The following ZNF835 variants were observed in gnomAD, a reference collection of about 807,000 sequenced individuals.
ZNF835 encodes zinc finger protein 835.
For synonymous variants in ZNF835, 323 were observed against 324.7 expected (o/e 0.99, Z 0.06); for missense variants, 783 against 758.4 (o/e 1.03, Z -0.38).
intron 1 of ZNF835, among the ~76,000 whole-genome samples, chr19:56,667,974 CTTTT>C (rs767163861): frequency 5.3e-5 from 8 of 152,074 alleles, no homozygotes; most frequent in African/African-American, 1.4e-4. Flanking sequence ...TTCTTTCTTT[CTTTT>C]TTTGTTTTTT....
chr19:56,664,761 G>A lies in ZNF835; in HGVS notation c.438C>T (p.Ala146=), dbSNP rs1568524336. The A allele has an allele frequency of 6.2e-7, 1 of 1,614,138 alleles. No individual in the cohort carries two copies. Among genetic ancestry groups the A allele is most frequent in the Non-Finnish European group, 8.5e-7 (1 of 1,179,992 alleles). Residue 146 remains alanine, a synonymous_variant, in exon 2 of 2, where the codon GCC becomes GCT. Transcript: ENST00000537055. ...GGGTCAGGTGCACGCTCTGGCTGAA[G>A]GCCTTGCCGCACTCGGGGCACGCAA... The part of the protein sequence containing the change: ...KPFACPECGK[A]FSQSVHLTLH...
chr19:56,671,507 A>G (rs1392142254), intron 1 of ZNF835, 69 bp downstream of exon 1: 1 of 152,532 alleles, frequency 6.6e-6, no homozygotes, highest in African/African-American at 2.4e-5. Context: ...ACAGGTGCAG[A>G]CACAATGGCA....
rs915967063 is a variant in ZNF835 at position 56,663,736 on chromosome 19, G to A, written c.1463C>T (p.Ala488Val). ...GCGKAFSFSS[A>V]LIRHQRTHAD... ...ATGCGTCCTCTGGTGTCGGATGAGC[G>A]CGGAGGAGAAGCTGAAGGCCTTCCC... Residue 488 changes from alanine to valine, a missense_variant, in exon 2 of 2, where the codon GCG becomes GTG. Transcript: ENST00000537055. The A allele has an allele frequency of 5.6e-6, 9 of 1,613,866 alleles. No individual in the cohort carries two copies. Among genetic ancestry groups the A allele is most frequent in the Non-Finnish European group, 7.6e-6 (9 of 1,179,928 alleles).
intron 1 of ZNF835, among the ~76,000 whole-genome samples, chr19:56,670,518 G>C (rs979228966): frequency 6.6e-6 from 1 of 151,868 alleles, no homozygotes; most frequent in Non-Finnish European, 1.5e-5. Context: ...ACAGGGTCCC[G>C]GGCACACGTA....
intron 1 of ZNF835, among the ~76,000 whole-genome samples, chr19:56,666,340 C>G (rs1276050683): frequency 6.6e-6 from 1 of 152,232 alleles, no homozygotes; most frequent in Non-Finnish European, 1.5e-5. Context: ...CTCCTGACCT[C>G]AGGTGACCCA....
At chr19:56,670,606 C>T (rs2045280803) in intron 1 of ZNF835, among the ~76,000 whole-genome samples, 1 of 152,184 alleles carries the variant, frequency 6.6e-6, no homozygotes, top group Non-Finnish European at 1.5e-5. Flanking sequence ...ACACATGCCA[C>T]CTGCTCCACA....
At chr19:56,670,116 T>C (rs538090586) in intron 1 of ZNF835, among the ~76,000 whole-genome samples, 4 of 146,530 alleles carry the variant, frequency 2.7e-5, no homozygotes, top group African/African-American at 7.7e-5. Flanking sequence ...TCAGGAGTCC[T>C]CCATTAGCAT....
Position 56,664,088 on chromosome 19 carries a change from AG to A in ZNF835, c.1110del (p.Phe371SerfsTer36). ...RPYPCHDCGK[R>X]FSNRSHLLQH... The stretch of plus-strand genomic sequence containing the variant: ...TGGAGGAGGTGGGAGCGGTTGCTGA[AG>A]CGCTTGCCGCAGTCGTGGCAGGGGT... On this transcript the variant is annotated frameshift_variant, in exon 2 of 2. Transcript: ENST00000537055. LOFTEE classifies it low-confidence loss of function (END_TRUNC). The A allele has an allele frequency of 1.3e-6, 2 of 1,599,760 alleles. No homozygotes were observed. Among genetic ancestry groups the A allele is most frequent in the Non-Finnish European group, 1.7e-6 (2 of 1,170,434 alleles).
chr19:56,664,663 G>A lies in ZNF835; in HGVS notation c.536C>T (p.Ser179Leu). Reference sequence around the variant, plus strand: ...CGTGCGCCAGTGGGACGCCAGGTACGAGCCCTGGCTGAAGGCCTTGCCGCA... The same window carrying A: ...CGTGCGCCAGTGGGACGCCAGGTACAAGCCCTGGCTGAAGGCCTTGCCGCA... ...HECGKAFSQG[S>L]YLASHWRTHT... The change falls in exon 2 of 2, where the codon TCG becomes TTG. Residue 179 changes from serine to leucine, a missense_variant. Coordinates refer to ENST00000537055, the MANE Select transcript of ZNF835 (RefSeq NM_001005850.3). 5 of 1,611,464 alleles carry A rather than the reference G, an allele frequency of 3.1e-6. No individual in the cohort carries two copies. Among genetic ancestry groups the A allele is most frequent in the African/African-American group, 1.3e-5 (1 of 74,930 alleles).
rs1229111794 is a variant in ZNF835, at chr19:56,664,125, TCCGGTGTG to T, written c.1066_1073del (p.His356ArgfsTer29). The T allele has an allele frequency of 1.7e-5, 27 of 1,599,728 alleles. No individual in the cohort carries two copies. Among genetic ancestry groups the T allele is most frequent in the Non-Finnish European group, 2.3e-5 (27 of 1,172,744 alleles). On this transcript the variant is annotated frameshift_variant, in exon 2 of 2. Coordinates refer to ENST00000537055, the MANE Select transcript of ZNF835 (RefSeq NM_001005850.3). LOFTEE classifies it low-confidence loss of function (END_TRUNC). ...AGTCGTGGCAGGGGTAAGGCCGCTC[TCCGGTGTG>T]CGTGCGCTGGTGCTGCGTCAGGTGC...
rs552555356 is a variant in ZNF835, at chr19:56,663,844, C to T, written c.1355G>A (p.Gly452Asp). The T allele has an allele frequency of 1.9e-6, 3 of 1,613,534 alleles. No individual in the cohort carries two copies. In the Admixed American group the frequency reaches 5.0e-5, roughly 27 times the overall value. Residue 452 changes from glycine (G) to aspartate (D), a missense_variant, in exon 2 of 2, where the codon GGC (glycine) becomes GAC (aspartate). By Grantham distance (94) the Gly-to-Asp change is moderately conservative. Coordinates refer to ENST00000537055, the MANE Select transcript of ZNF835 (RefSeq NM_001005850.3). ...GERPYTCPEC[G>D]KAFSNRSYLI... ...GTAGGAGCGGTTGCTGAAGGCCTTG[C>T]CGCACTCGGGGCAGGTGTAGGGCCG...
At position 56,664,971 on chromosome 19, in the gene ZNF835, G is replaced by T. The variant is rs372275425; in HGVS notation, c.228C>A (p.Asp76Glu). Reference protein sequence around the residue: ...SPAATQASVPDDSSSRRCSAP... With the variant: ...SPAATQASVPEDSSSRRCSAP... ...CGCTGCACCTCCGGGAACTGCTGTC[G>T]TCGGGGACACTGGCTTGGGTAGCAG... Residue 76 changes from aspartate (D) to glutamate (E), a missense_variant, in exon 2 of 2, where the codon GAC (aspartate) becomes GAA (glutamate). Physicochemically the swap from Asp to Glu is conservative, Grantham distance 45. Coordinates refer to ENST00000537055, the MANE Select transcript of ZNF835 (RefSeq NM_001005850.3). 2 of 1,614,058 alleles carry T rather than the reference G, an allele frequency of 1.2e-6. No homozygotes were observed. Among genetic ancestry groups the T allele is most frequent in the South Asian group, 1.1e-5 (1 of 91,090 alleles).
Position 56,663,801 on chromosome 19 carries a change from G to A in ZNF835, c.1398C>T (p.Ile466=), listed in dbSNP as rs373727580. 18 of 1,613,960 alleles carry A rather than the reference G, an allele frequency of 1.1e-5. No individual in the cohort carries two copies. In the East Asian group the frequency reaches 1.8e-4, roughly 16 times the overall value. ...CGTAGGGCTTCTCCCCGGTGTGCAC[G>A]ATGTGGTGCTGGATCAGGTAGGAGC... ...SNRSYLIQHH[I]VHTGEKPYEC... is the part of the protein sequence containing the mutation. The change falls in exon 2 of 2, where the codon ATC becomes ATT. Residue 466 remains isoleucine, a synonymous_variant. Transcript: ENST00000537055.
At position 56,663,162 on chromosome 19, in the gene ZNF835, G is replaced by GA. The variant is rs34647340; in HGVS notation, c.*422dup. On this transcript the variant is annotated 3_prime_UTR_variant, in exon 2 of 2. Coordinates refer to ENST00000537055, the MANE Select transcript of ZNF835 (RefSeq NM_001005850.3). ...GGCGACAGAGCAAGACTCCGTCTCA[G>GA]AAAAAAAAAAAAAAAAAAATTAGCC... 36,613 of 123,116 alleles carry GA rather than the reference G, an allele frequency of 0.3. 4,888 individuals carry two copies. Among genetic ancestry groups the GA allele is most frequent in the East Asian group, 0.51 (2,012 of 3,972 alleles). 7.6% of individuals were successfully genotyped at this position (123,116 alleles called of 1,614,324 possible). A position where few individuals can be genotyped will look rare whatever the true frequency, so the allele number is the denominator to read the frequency against.
rs2148050160 is a variant in ZNF835, at chr19:56,662,125, G to T, written c.*1460C>A. ...AGGCTTGGCTAGGAGGCTTGCTTTG[G>T]CCTGTGGGACTAGATGCAAATGTGA... On this transcript the variant is annotated 3_prime_UTR_variant, in exon 2 of 2. Transcript: ENST00000537055. 6.6e-6 allele frequency: 1 copy of T among 152,272 alleles called. No individual in the cohort carries two copies. The highest frequency in any genetic ancestry group is 1.5e-5 in the Non-Finnish European group (1 of 68,020). 9.4% of individuals were successfully genotyped at this position (152,272 alleles called of 1,614,324 possible).
In ZNF835 at chr19:56,664,668, C is replaced by T. The variant is rs780428048; in HGVS notation, c.531G>A (p.Gln177=). 23 of 1,611,178 alleles carry T rather than the reference C, an allele frequency of 1.4e-5. No homozygotes were observed. Among genetic ancestry groups the T allele is most frequent in the Admixed American group, 1.3e-4 (8 of 59,700 alleles). ...GCCAGTGGGACGCCAGGTACGAGCC[C>T]TGGCTGAAGGCCTTGCCGCACTCGT... is the stretch of plus-strand genomic sequence containing the variant. ...ACHECGKAFS[Q]GSYLASHWRT... is the part of the protein sequence containing the mutation. The change falls in exon 2 of 2, where the codon CAG becomes CAA. Residue 177 remains glutamine (Q), a synonymous_variant. Transcript: ENST00000537055.
rs1392149504 is a variant in ZNF835, at chr19:56,664,579, G to T, written c.620C>A (p.Thr207Lys). The T allele has an allele frequency of 6.2e-7, 1 of 1,605,180 alleles. No individual in the cohort carries two copies. Residue 207 changes from threonine (T) to lysine (K), a missense_variant, in exon 2 of 2, where the codon ACG (threonine) becomes AAG (lysine). Coordinates refer to ENST00000537055, the MANE Select transcript of ZNF835 (RefSeq NM_001005850.3). ...CACGCGCCGGTGCTGGGTCAGGTGCGTGACGCGCGTGAAGGCCTTGCCGCA... is the reference window on the plus strand; with the variant it reads ...CACGCGCCGGTGCTGGGTCAGGTGCTTGACGCGCGTGAAGGCCTTGCCGCA... ...ADCGKAFTRV[T>K]HLTQHRRVHT...
intron 1 of ZNF835, among the ~76,000 whole-genome samples, chr19:56,670,189 G>A (rs554819981): frequency 9.1e-4 from 138 of 152,200 alleles, no homozygotes; most frequent in Non-Finnish European, 1.8e-3. Context: ...GGTTGCAGGG[G>A]GCTTATTAAG....
Position 56,665,073 on chromosome 19 carries a change from G to T in ZNF835, c.126C>A (p.Cys42Ter). The change falls in exon 2 of 2, where the codon TGC becomes TGA. Residue 42 changes from cysteine (C) to a stop codon, truncating the protein, a stop_gained. Coordinates refer to ENST00000537055, the MANE Select transcript of ZNF835 (RefSeq NM_001005850.3). LOFTEE classifies it low-confidence loss of function (END_TRUNC). ...ESCPEPEAVACKGDPAGDSMQ... is the reference protein window; with the variant it reads ...ESCPEPEAVA Reference sequence around the variant, plus strand: ...TGCTGTCCCCAGCAGGGTCTCCCTTGCAGGCCACGGCCTCTGGCTCTGGAC... The same window carrying T: ...TGCTGTCCCCAGCAGGGTCTCCCTTTCAGGCCACGGCCTCTGGCTCTGGAC... 1 of 1,613,954 alleles carries T rather than the reference G, an allele frequency of 6.2e-7. No homozygotes were observed. Among genetic ancestry groups the T allele is most frequent in the East Asian group, 2.2e-5 (1 of 44,880 alleles).
Sources: allele counts gnomAD v4.1 joint callset (sites outside exome capture counted in the v4.1 genomes callset), GRCh38; gene constraint gnomAD v4.1.1; transcripts MANE v1.5; gene names NCBI Gene and HGNC (gene_info 2026-07-23, HGNC 2026-07-21).